The following TRAPPC8 variants were observed in gnomAD, a reference collection of about 807,000 sequenced individuals.
TRAPPC8 encodes general sporulation gene 1 homolog.
TRAPPC8 carries 54 observed loss-of-function variants against 174.3 expected under a neutral mutation model. The ratio of observed to expected loss-of-function variants is 0.31; its 90% confidence interval spans 0.25 to 0.39. The LOEUF is 0.39. Ranked by LOEUF, TRAPPC8 falls within the 10% of genes least tolerant of loss-of-function variation. The pLI, the probability that TRAPPC8 is intolerant of heterozygous loss-of-function variation, is 1.00. For synonymous variants in TRAPPC8, 630 were observed against 579.9 expected, an observed-to-expected ratio of 1.09 and a Z score of -1.24; for missense variants, 1,531 against 1,699.1, an observed-to-expected ratio of 0.90 and a Z score of 1.74.
chr18:31,938,341 T>C (rs1408481374), intron 1 of TRAPPC8, among the ~76,000 whole-genome samples: 2 of 151,474 alleles, frequency 1.3e-5, no homozygotes, highest in African/African-American at 4.8e-5. Flanking sequence ...AGAAAATACA[T>C]ATAATAAATT....
intron 26 of TRAPPC8, chr18:31,844,671 T>G (rs1237801230): frequency 6.6e-6 from 1 of 150,710 alleles, no homozygotes; most frequent in Non-Finnish European, 1.5e-5. Flanking sequence ...GAGCCGAGAT[T>G]GTGCCACTGC....
At chr18:31,912,744 A>G (rs2036970592) in intron 5 of TRAPPC8, among the ~76,000 whole-genome samples, 1 of 152,220 alleles carries the variant, frequency 6.6e-6, no homozygotes, top group Non-Finnish European at 1.5e-5. Context: ...GGCATTCATA[A>G]TGAATTAAAC....
intron 1 of TRAPPC8, among the ~76,000 whole-genome samples, chr18:31,935,240 A>C (rs1162710362): frequency 6.6e-6 from 1 of 151,002 alleles, no homozygotes; most frequent in Non-Finnish European, 1.5e-5. Context: ...GCTACCAGGG[A>C]GGCTGAGGCA....
At chr18:31,865,616 T>C (rs2034547884) in intron 18 of TRAPPC8, among the ~76,000 whole-genome samples, 1 of 151,890 alleles carries the variant, frequency 6.6e-6, no homozygotes, top group Admixed American at 6.6e-5. Context: ...ACATATAAAG[T>C]ATTTTTTAAT....
At chr18:31,902,095 A>C (rs1038273294) in intron 9 of TRAPPC8, among the ~76,000 whole-genome samples, 1 of 152,142 alleles carries the variant, frequency 6.6e-6, no homozygotes, top group Non-Finnish European at 1.5e-5. Flanking sequence ...CGGATGGATC[A>C]CTTGACATCA....
rs567449079 is a variant in TRAPPC8, at chr18:31,868,006, T to C, written c.2389-530A>G. 2.6e-5 allele frequency among the ~76,000 whole-genome samples: 4 copies of C among 152,302 alleles called. No homozygotes were observed. In the East Asian group the frequency reaches 7.7e-4, roughly 29 times the overall value. ...AATCTTACAATAATAGCAAATTTCT[T>C]CTTTTGCTCTGACCAGCCTCTTTTT... On this transcript the variant is annotated intron_variant, in intron 16 of 28. Coordinates refer to ENST00000283351, the MANE Select transcript of TRAPPC8 (RefSeq NM_014939.5).
chr18:31,857,480 T>C (rs2145102287), intron 20 of TRAPPC8, 60 bp downstream of exon 20: 1 of 1,294,856 alleles, frequency 7.7e-7, no homozygotes, highest in Non-Finnish European at 1.0e-6. Flanking sequence ...AATGTTTATC[T>C]GAATATGTGC....
intron 12 of TRAPPC8, among the ~76,000 whole-genome samples, chr18:31,880,016 G>A (rs1403205756): frequency 2.9e-5 from 4 of 139,970 alleles, no homozygotes; most frequent in Non-Finnish European, 6.1e-5. Context: ...CAAGATAGCT[G>A]GATTCAAAGC....
chr18:31,903,225 AAGT>A (rs1311865120), intron 9 of TRAPPC8, among the ~76,000 whole-genome samples: 1 of 152,128 alleles, frequency 6.6e-6, no homozygotes, highest in Non-Finnish European at 1.5e-5. Context: ...AGGAATTTCC[AAGT>A]ATTTGCTGGT....
Position 31,937,302 on chromosome 18 carries a change from G to T in TRAPPC8, c.157+5306C>A, listed in dbSNP as rs554823774. Among the ~76,000 whole-genome samples the T allele has an allele frequency of 7.2e-5, 11 of 152,320 alleles. No individual in the cohort carries two copies. In the South Asian group the frequency reaches 2.1e-3, roughly 29 times the overall value. On this transcript the variant is annotated intron_variant, in intron 1 of 28. Coordinates refer to ENST00000283351, the MANE Select transcript of TRAPPC8 (RefSeq NM_014939.5). ...TCAAAGCACTTTGGGAATCCAAAGC[G>T]GGTAAATTGCTTGAGTCCATGAGTT...
intron 1 of TRAPPC8, among the ~76,000 whole-genome samples, chr18:31,935,609 A>C (rs943714379): frequency 1.4e-5 from 2 of 146,316 alleles, no homozygotes; most frequent in Admixed American, 7.1e-5. Flanking sequence ...GGCTTGAGCC[A>C]CTGGACCCAC....
chr18:31,853,030 T>C (rs752745005), intron 22 of TRAPPC8, among the ~76,000 whole-genome samples: 19 of 152,220 alleles, frequency 1.2e-4, no homozygotes, highest in Non-Finnish European at 1.2e-4. Context: ...TATACCAACA[T>C]TACTATACGA....
At chr18:31,882,798 A>G (rs1485446065) in intron 12 of TRAPPC8, among the ~76,000 whole-genome samples, 4 of 150,828 alleles carry the variant, frequency 2.7e-5, no homozygotes, top group Admixed American at 2.6e-4. Flanking sequence ...TGTATTTTTA[A>G]TAGAGATGGG....
intron 12 of TRAPPC8, among the ~76,000 whole-genome samples, chr18:31,889,060 T>A (rs1276265952): frequency 6.6e-6 from 1 of 152,180 alleles, no homozygotes; most frequent in Admixed American, 6.5e-5. Context: ...TGTATTGGCT[T>A]ATCTAGTAGA....
chr18:31,918,717 A>T (rs2037250753), intron 2 of TRAPPC8, among the ~76,000 whole-genome samples: 1 of 152,236 alleles, frequency 6.6e-6, no homozygotes, highest in Non-Finnish European at 1.5e-5. Context: ...CTTACAATCA[A>T]ATACAAACAA....
At chr18:31,859,677 G>T (rs981693856) in intron 19 of TRAPPC8, among the ~76,000 whole-genome samples, 3 of 152,122 alleles carry the variant, frequency 2.0e-5, no homozygotes, top group African/African-American at 7.2e-5. Flanking sequence ...CTATGTATAG[G>T]ATCACATGTA....
At chr18:31,870,584 C>A in intron 15 of TRAPPC8, 82 bp from the exon 16 acceptor site, 1 of 1,431,752 alleles carries the variant, frequency 7.0e-7, no homozygotes, top group South Asian at 1.3e-5. Context: ...ATGCATCTTG[C>A]TTTCATAGCT....
At chr18:31,833,770 G>A (rs147210248) in intron 27 of TRAPPC8, among the ~76,000 whole-genome samples, 180 of 152,144 alleles carry the variant, frequency 1.2e-3, no homozygotes, top group African/African-American at 4.2e-3. Flanking sequence ...TTGGGAGACC[G>A]AGGCGGGCGG....
intron 2 of TRAPPC8, among the ~76,000 whole-genome samples, chr18:31,921,219 A>T (rs2037373086): frequency 6.6e-6 from 1 of 152,186 alleles, no homozygotes; most frequent in South Asian, 2.1e-4. Context: ...AGTTTCAAAG[A>T]GAAGTAACAG....
Sources: allele counts gnomAD v4.1 joint callset (sites outside exome capture counted in the v4.1 genomes callset), GRCh38; gene constraint gnomAD v4.1.1; transcripts MANE v1.5; gene names NCBI Gene and HGNC (gene_info 2026-07-23, HGNC 2026-07-21).